The following TMTC2 variants were observed in gnomAD, a reference collection of about 807,000 sequenced individuals.
TMTC2 encodes the protein transmembrane O-mannosyltransferase targeting cadherins 2, also known as protein O-mannosyl-transferase TMTC2.
A neutral mutation model predicts 82.4 loss-of-function variants in TMTC2; 43 were observed. That is an observed-to-expected ratio of 0.52 (90% CI 0.41 to 0.67). The LOEUF is 0.67. Ranked by LOEUF, TMTC2 falls within the 30% of genes least tolerant of loss-of-function variation. The pLI is 0.00. For missense variants in TMTC2, 919 were observed against 1,012.4 expected (o/e 0.91, Z 1.25); for synonymous variants, 408 against 381.9 (o/e 1.07, Z -0.80).
chr12:83,108,458 C>T (rs926146977), intron 11 of TMTC2, among the ~76,000 whole-genome samples: 16 of 151,946 alleles, frequency 1.1e-4, no homozygotes, highest in Non-Finnish European at 2.2e-4. Context: ...GTCAAACCCC[C>T]GTCTCTACTA....
At chr12:83,080,873 C>G (rs1883441399) in intron 11 of TMTC2, among the ~76,000 whole-genome samples, 1 of 152,140 alleles carries the variant, frequency 6.6e-6, no homozygotes, top group Non-Finnish European at 1.5e-5. Context: ...CATCCCCCAC[C>G]ACATGGTCTA....
chr12:82,918,201 G>A (rs1054192183), intron 3 of TMTC2, among the ~76,000 whole-genome samples: 6 of 152,142 alleles, frequency 3.9e-5, no homozygotes, highest in African/African-American at 1.2e-4. Context: ...GAGCCACTGC[G>A]CCTGGCCAAA....
chr12:82,891,843 G>A (rs1508647), intron 2 of TMTC2, among the ~76,000 whole-genome samples: 26,059 of 151,966 alleles, frequency 0.17, 5,197 homozygotes, highest in African/African-American at 0.49. Context: ...TTTTAAAATC[G>A]GCTTTACCTG....
chr12:82,729,739 A>G (rs1165625468), intron 1 of TMTC2, among the ~76,000 whole-genome samples: 1 of 152,234 alleles, frequency 6.6e-6, no homozygotes, highest in Admixed American at 6.5e-5. Flanking sequence ...CCAAGCTAGC[A>G]GTGGCAACCC....
intron 2 of TMTC2, among the ~76,000 whole-genome samples, chr12:82,860,245 T>C (rs529062481): frequency 6.6e-6 from 1 of 152,302 alleles, no homozygotes; most frequent in East Asian, 1.9e-4. Context: ...GTGCTGGGAT[T>C]ACAGGCGTGA....
At chr12:82,739,023 C>T (rs929518087) in intron 1 of TMTC2, among the ~76,000 whole-genome samples, 4 of 151,760 alleles carry the variant, frequency 2.6e-5, no homozygotes, top group African/African-American at 9.7e-5. Context: ...TGGCGCACAC[C>T]TGTAATCCCA....
At chr12:82,864,982 G>C (rs1207109268) in intron 2 of TMTC2, among the ~76,000 whole-genome samples, 11 of 150,224 alleles carry the variant, frequency 7.3e-5, no homozygotes, top group African/African-American at 1.7e-4. Flanking sequence ...TGAGAGGCCA[G>C]GGCAGGCAGA....
intron 3 of TMTC2, among the ~76,000 whole-genome samples, chr12:82,905,401 T>G (rs2137198708): frequency 6.6e-6 from 1 of 152,310 alleles, no homozygotes; most frequent in East Asian, 1.9e-4. Context: ...TTTAAAAAAA[T>G]ATGACTATGG....
chr12:82,777,866 G>A (rs551630958), intron 1 of TMTC2, among the ~76,000 whole-genome samples: 1 of 151,926 alleles, frequency 6.6e-6, no homozygotes. Context: ...TTTTCACCAC[G>A]ATTTGCCATT....
intron 1 of TMTC2, among the ~76,000 whole-genome samples, chr12:82,770,386 T>A (rs981770646): frequency 6.6e-6 from 1 of 152,168 alleles, no homozygotes; most frequent in African/African-American, 2.4e-5. Flanking sequence ...TGCAGAAAAT[T>A]AGAAGAACTG....
intron 3 of TMTC2, among the ~76,000 whole-genome samples, chr12:82,902,101 C>A (rs1037802107): frequency 1.3e-5 from 2 of 152,106 alleles, no homozygotes; most frequent in African/African-American, 4.8e-5. Context: ...CTTTCCCTTA[C>A]GGAGTTAGTG....
chr12:83,028,244 G>A (rs1565859838), intron 8 of TMTC2, among the ~76,000 whole-genome samples: 1 of 152,072 alleles, frequency 6.6e-6, no homozygotes, highest in African/African-American at 2.4e-5. Context: ...AAACATATAC[G>A]TAGGTAGTAT....
chr12:82,809,477 T>A (rs1879389706), intron 1 of TMTC2, among the ~76,000 whole-genome samples: 1 of 152,146 alleles, frequency 6.6e-6, no homozygotes, highest in African/African-American at 2.4e-5. Flanking sequence ...TTTTAAAGGA[T>A]GAGCAGATTT....
chr12:82,976,618 C>A (rs1467964150), intron 7 of TMTC2, among the ~76,000 whole-genome samples: 2 of 151,806 alleles, frequency 1.3e-5, no homozygotes, highest in Non-Finnish European at 2.9e-5. Flanking sequence ...CAATCAGAAG[C>A]AATATATCTG....
At chr12:83,114,814 C>T (rs1001247920) in intron 11 of TMTC2, among the ~76,000 whole-genome samples, 2 of 151,848 alleles carry the variant, frequency 1.3e-5, no homozygotes, top group Non-Finnish European at 2.9e-5. Flanking sequence ...TATGTCTATA[C>T]TTCTTGCCAT....
chr12:83,035,289 G>A (rs1300058487), intron 9 of TMTC2, among the ~76,000 whole-genome samples: 2 of 152,184 alleles, frequency 1.3e-5, no homozygotes, highest in East Asian at 1.9e-4. Flanking sequence ...GGAAGAGATT[G>A]CATTGCATAT....
chr12:82,703,498 CTTTTTTTTTTTTT>C (rs539968079), intron 1 of TMTC2, among the ~76,000 whole-genome samples: 1 of 121,666 alleles, frequency 8.2e-6, no homozygotes, highest in Non-Finnish European at 1.7e-5. Flanking sequence ...TAGTTTCTTT[CTTTTTTTTTTTTT>C]TTTTTGAGAC....
intron 7 of TMTC2, among the ~76,000 whole-genome samples, chr12:82,982,764 G>T (rs983576233): frequency 1.2e-4 from 18 of 151,932 alleles, no homozygotes; most frequent in Non-Finnish European, 2.5e-4. Context: ...TCTCACCTGA[G>T]CTGGGGATTT....
chr12:83,116,298 G>GTATA (rs1041967984), intron 11 of TMTC2, among the ~76,000 whole-genome samples: 9 of 151,956 alleles, frequency 5.9e-5, no homozygotes, highest in African/African-American at 1.9e-4. Context: ...GTGTGTGTGT[G>GTATA]TATATATATA....
Sources: allele counts gnomAD v4.1 joint callset (sites outside exome capture counted in the v4.1 genomes callset), GRCh38; gene constraint gnomAD v4.1.1; transcripts MANE v1.5; gene names NCBI Gene and HGNC (gene_info 2026-07-23, HGNC 2026-07-21).